The following TIGD2 variants were observed in gnomAD, a reference collection of about 807,000 sequenced individuals.
TIGD2 encodes the protein tigger transposable element-derived protein 2.
In TIGD2, 14 loss-of-function variants were observed where a neutral mutation model predicts 27.0. The observed-to-expected ratio is 0.52, with a 90% CI of 0.34 to 0.81. The LOEUF is 0.81. TIGD2 is among the 30% of genes least tolerant of loss of function. The pLI is 0.01. For synonymous variants in TIGD2, 201 were observed against 209.0 expected (o/e 0.96, Z 0.33); for missense variants, 590 against 617.3 (o/e 0.96, Z 0.47).
At position 89,113,661 on chromosome 4, in the gene TIGD2, G is replaced by T. The variant is rs369423679; in HGVS notation, c.687G>T (p.Gly229=). Residue 229 remains glycine, a synonymous_variant, in exon 2 of 2, where the codon GGG becomes GGT. Transcript: ENST00000603357. The stretch of plus-strand genomic sequence containing the variant: ...ACAAACTTAATCTTTGTGTTGTGGG[G>T]AAGGCCAAAAAGCCCCGAGCATTCA... ...GLHKLNLCVV[G]KAKKPRAFKG... The T allele has an allele frequency of 3.7e-6, 6 of 1,613,998 alleles. No individual in the cohort carries two copies. In the African/African-American group the frequency reaches 4.0e-5, roughly 11 times the overall value.
rs1721179615 is a variant in TIGD2 at position 89,114,672 on chromosome 4, A to C, written c.*120A>C. 9.3e-7 allele frequency: 1 copy of C among 1,079,792 alleles called. No homozygotes were observed. The allele number at this position is 1,079,792 out of a possible 1,614,324, so 66.9% of individuals were successfully genotyped here. A position where few individuals can be genotyped will look rare whatever the true frequency, so the allele number is the denominator to read the frequency against. On this transcript the variant is annotated 3_prime_UTR_variant, in exon 2 of 2. Transcript: ENST00000603357. The stretch of plus-strand genomic sequence containing the variant: ...ACATTTTATAAATGATTTTGGAATT[A>C]GATGTCAGTTTGGATTACTTAAATT...
In TIGD2 at chr4:89,113,308, G is replaced by A. The variant is rs778630313; in HGVS notation, c.334G>A (p.Ala112Thr). 4 of 1,614,144 alleles carry A rather than the reference G, an allele frequency of 2.5e-6. No individual in the cohort carries two copies. Among genetic ancestry groups the A allele is most frequent in the Non-Finnish European group, 2.5e-6 (3 of 1,180,012 alleles). The stretch of plus-strand genomic sequence containing the variant: ...AAAACAAGCCAAGTTCTTTTTTGAT[G>A]CTTTGGGAATGGAAGGTGATTTTAA... Reference protein sequence around the residue: ...CAKQAKFFFDALGMEGDFNAS... With the variant: ...CAKQAKFFFDTLGMEGDFNAS... The change falls in exon 2 of 2, where the codon GCT becomes ACT. Residue 112 changes from alanine to threonine, a missense_variant. Ala to Thr is a moderately conservative substitution (Grantham distance 58, BLOSUM62 0). This residue lies in a region of TIGD2 where 47 missense variants were observed against 79.7 expected (regional missense o/e 0.59). Transcript: ENST00000603357.
rs138689511 is a variant in TIGD2, at chr4:89,114,357, T to G, written c.1383T>G (p.Pro461=). The change falls in exon 2 of 2, where the codon CCT becomes CCG. Residue 461 remains proline (P), a synonymous_variant. Coordinates refer to ENST00000603357, the MANE Select transcript of TIGD2 (RefSeq NM_145715.3). ...AGACCAAGGCTGCTGAGCAAAAGCCTTCCAGTAAGAGTAGAAAAACAGAAC... is the reference window on the plus strand; with the variant it reads ...AGACCAAGGCTGCTGAGCAAAAGCCGTCCAGTAAGAGTAGAAAAACAGAAC... ...EDQTKAAEQK[P]SSKSRKTELN... The G allele has an allele frequency of 7.6e-4, 1,233 of 1,614,032 alleles. 9 individuals are homozygous for G. In the African/African-American group the frequency reaches 0.015, roughly 20 times the overall value.
At position 89,113,874 on chromosome 4, in the gene TIGD2, A is replaced by G; in HGVS notation, c.900A>G (p.Glu300=). ...LLDFPPARPN[E]EMLSSDDGRI... The stretch of plus-strand genomic sequence containing the variant: ...ATTTCCCCCCAGCACGTCCAAATGA[A>G]GAAATGTTGAGTTCAGATGATGGCA... The change falls in exon 2 of 2, where the codon GAA becomes GAG. Residue 300 remains glutamate, a synonymous_variant. Coordinates refer to ENST00000603357, the MANE Select transcript of TIGD2 (RefSeq NM_145715.3). 1 of 1,614,252 alleles carries G rather than the reference A, an allele frequency of 6.2e-7. No individual in the cohort carries two copies. The highest frequency in any genetic ancestry group is 8.5e-7 in the Non-Finnish European group (1 of 1,180,050).
In TIGD2 at chr4:89,112,795, G is replaced by A. The variant is rs1362251721; in HGVS notation, c.-180G>A. 3.6e-6 allele frequency: 2 copies of A among 559,884 alleles called. No individual in the cohort carries two copies. Among genetic ancestry groups the A allele is most frequent in the Admixed American group, 3.6e-5 (1 of 28,140 alleles). 34.7% of individuals were successfully genotyped at this position (559,884 alleles called of 1,614,324 possible). ...CGCTAGGCTTTGTTGTAGGAAGTTT[G>A]TAAGTTTTAAAATAGCAAGTAGATT... On this transcript the variant is annotated 5_prime_UTR_variant, in exon 2 of 2. Transcript: ENST00000603357.
In TIGD2 at chr4:89,114,547, CATT is replaced by C; in HGVS notation, c.1575_1577del (p.His525_Ter526delinsGln). 1 of 1,579,722 alleles carries C rather than the reference CATT, an allele frequency of 6.3e-7. No homozygotes were observed. Among genetic ancestry groups the C allele is most frequent in the Non-Finnish European group, 8.6e-7 (1 of 1,160,342 alleles). The stretch of plus-strand genomic sequence containing the variant: ...ACAGAAGATCCAAAATAACAAAAAT[CATT>C]AATAAGGCTCTTAAGTATTTCAGTG... On this transcript the variant is annotated stop_lost and inframe_deletion, in exon 2 of 2. Transcript: ENST00000603357.
At position 89,113,324 on chromosome 4, in the gene TIGD2, G is replaced by A; in HGVS notation, c.350G>A (p.Gly117Asp). ...KFFFDALGMEGDFNASSGWLT... is the reference protein window; with the variant it reads ...KFFFDALGMEDDFNASSGWLT... The stretch of plus-strand genomic sequence containing the variant: ...TTTTTTGATGCTTTGGGAATGGAAG[G>A]TGATTTTAATGCATCGTCAGGCTGG... The change falls in exon 2 of 2, where the codon GGT becomes GAT. Residue 117 changes from glycine to aspartate, a missense_variant. This residue lies in a region of TIGD2 where 47 missense variants were observed against 79.7 expected (regional missense o/e 0.59). Transcript: ENST00000603357. 1 of 1,614,198 alleles carries A rather than the reference G, an allele frequency of 6.2e-7. No homozygotes were observed. Among genetic ancestry groups the A allele is most frequent in the Non-Finnish European group, 8.5e-7 (1 of 1,180,036 alleles).
Position 89,113,127 on chromosome 4 carries a change from G to A in TIGD2, c.153G>A (p.Arg51=). 1.9e-6 allele frequency: 3 copies of A among 1,614,012 alleles called. No homozygotes were observed. In the South Asian group the frequency reaches 3.3e-5, roughly 18 times the overall value. ...GTGATATTAAAAAGAACAAAGAAAG[G>A]ATTATAAACTATGCAAACAGTTCAG... ...TVRDIKKNKE[R]IINYANSSDP... The change falls in exon 2 of 2, where the codon AGG becomes AGA. Residue 51 remains arginine, a synonymous_variant. Transcript: ENST00000603357.
chr4:89,114,628 G>T lies in TIGD2; in HGVS notation c.*76G>T. On this transcript the variant is annotated 3_prime_UTR_variant, in exon 2 of 2. Coordinates refer to ENST00000603357, the MANE Select transcript of TIGD2 (RefSeq NM_145715.3). The stretch of plus-strand genomic sequence containing the variant: ...TGAAACTTTGCTTGTTTGAAGTCCT[G>T]TGGATTCCAAAGCCAAATACATTTT... The T allele has an allele frequency of 1.4e-6, 2 of 1,427,132 alleles. No individual in the cohort carries two copies. The highest frequency in any genetic ancestry group is 1.9e-6 in the Non-Finnish European group (2 of 1,060,942). 88.4% of individuals were successfully genotyped at this position (1,427,132 alleles called of 1,614,324 possible).
At position 89,113,856 on chromosome 4, in the gene TIGD2, C is replaced by T. The variant is rs1276875075; in HGVS notation, c.882C>T (p.Pro294=). The T allele has an allele frequency of 1.2e-6, 2 of 1,614,028 alleles. No individual in the cohort carries two copies. The highest frequency in any genetic ancestry group is 1.7e-6 in the Non-Finnish European group (2 of 1,180,040). The change falls in exon 2 of 2, where the codon CCC becomes CCT. Residue 294 remains proline (P), a synonymous_variant. Coordinates refer to ENST00000603357, the MANE Select transcript of TIGD2 (RefSeq NM_145715.3). Reference sequence around the variant, plus strand: ...AAGCAGTGCTTCTTTTAGATTTCCCCCCAGCACGTCCAAATGAAGAAATGT... The same window carrying T: ...AAGCAGTGCTTCTTTTAGATTTCCCTCCAGCACGTCCAAATGAAGAAATGT... The part of the protein sequence containing the change: ...LEKAVLLLDF[P]PARPNEEMLS...
chr4:89,111,198 G>A, upstream of TIGD2: 1 of 985,528 alleles, frequency 1.0e-6, no homozygotes, highest in Non-Finnish European at 1.2e-6. Flanking sequence ...CCCGGCACGC[G>A]AGGATCCTCC....
chr4:89,113,190 G>A lies in TIGD2; in HGVS notation c.216G>A (p.Lys72=). The A allele has an allele frequency of 6.2e-7, 1 of 1,614,084 alleles. No individual in the cohort carries two copies. Among genetic ancestry groups the A allele is most frequent in the Non-Finnish European group, 8.5e-7 (1 of 1,180,014 alleles). The change falls in exon 2 of 2, where the codon AAG becomes AAA. Residue 72 remains lysine, a synonymous_variant. Coordinates refer to ENST00000603357, the MANE Select transcript of TIGD2 (RefSeq NM_145715.3). ...TSGVSKRKSM[K]SSTYEELDRV... is the part of the protein sequence containing the mutation. ...GAGTATCCAAACGTAAATCTATGAAGTCATCAACATACGAGGAGCTTGATA... is the reference window on the plus strand; with the variant it reads ...GAGTATCCAAACGTAAATCTATGAAATCATCAACATACGAGGAGCTTGATA...
chr4:89,112,818 A>T lies in TIGD2; in HGVS notation c.-157A>T. The stretch of plus-strand genomic sequence containing the variant: ...TTGTAAGTTTTAAAATAGCAAGTAG[A>T]TTCACGTAGACCTTGTCAGGAAATT... On this transcript the variant is annotated 5_prime_UTR_variant, in exon 2 of 2. Transcript: ENST00000603357. The T allele has an allele frequency of 1.7e-6, 1 of 594,076 alleles. No homozygotes were observed. The highest frequency in any genetic ancestry group is 2.8e-6 in the Non-Finnish European group (1 of 351,050). 36.8% of individuals were successfully genotyped at this position (594,076 alleles called of 1,614,324 possible).
Position 89,114,274 on chromosome 4 carries a change from T to A in TIGD2, c.1300T>A (p.Ser434Thr). 3 of 1,614,120 alleles carry A rather than the reference T, an allele frequency of 1.9e-6. No homozygotes were observed. Among genetic ancestry groups the A allele is most frequent in the Non-Finnish European group, 2.5e-6 (3 of 1,180,048 alleles). Residue 434 changes from serine (S) to threonine (T), a missense_variant, in exon 2 of 2, where the codon TCT (serine) becomes ACT (threonine). Physicochemically the swap from Ser to Thr is moderately conservative, Grantham distance 58 (BLOSUM62 1). Around this residue, in one of 3 missense-constraint regions of TIGD2, gnomAD observed 451 missense variants for 448.0 expected, o/e 1.01. Coordinates refer to ENST00000603357, the MANE Select transcript of TIGD2 (RefSeq NM_145715.3). ...TGAGAATATTGATCAGTGGTTCGAC[T>A]CTCGGAGCAGTGACTCAAGCTGTCA... ...DIENIDQWFD[S>T]RSSDSSCQVL...
Position 89,113,576 on chromosome 4 carries a change from G to C in TIGD2, c.602G>C (p.Gly201Ala). ...LTLETDQSTSGCRSSRERIII... is the reference protein window; with the variant it reads ...LTLETDQSTSACRSSRERIII... ...CTTGAAACTGACCAAAGTACTTCTG[G>C]GTGTAGGTCAAGCAGAGAGAGAATC... Residue 201 changes from glycine to alanine, a missense_variant, in exon 2 of 2, where the codon GGG (glycine) becomes GCG (alanine). Physicochemically the swap from Gly to Ala is moderately conservative, Grantham distance 60. Transcript: ENST00000603357. The C allele has an allele frequency of 1.9e-6, 3 of 1,614,082 alleles. No individual in the cohort carries two copies. Among genetic ancestry groups the C allele is most frequent in the Admixed American group, 1.7e-5 (1 of 60,020 alleles).
rs764970445 is a variant in TIGD2 at position 89,113,952 on chromosome 4, G to A, written c.978G>A (p.Met326Ile). The change falls in exon 2 of 2, where the codon ATG becomes ATA. Residue 326 changes from methionine to isoleucine, a missense_variant. Physicochemically the swap from Met to Ile is conservative, Grantham distance 10. Coordinates refer to ENST00000603357, the MANE Select transcript of TIGD2 (RefSeq NM_145715.3). The stretch of plus-strand genomic sequence containing the variant: ...ATGTCACAAGTCTGATTCAACCAAT[G>A]AGCCAGGGAGTTCTAGCCACTGTAA... ...PPNVTSLIQP[M>I]SQGVLATVKR... 1 of 1,614,006 alleles carries A rather than the reference G, an allele frequency of 6.2e-7. No individual in the cohort carries two copies. Among genetic ancestry groups the A allele is most frequent in the Non-Finnish European group, 8.5e-7 (1 of 1,179,930 alleles).
rs1197223889 is a variant in TIGD2, at chr4:89,111,697, T to C, written c.-1095T>C. ...AGGGCGATGCCCGGGGCCGGCGGAC[T>C]GGCGTTCCCTGTGCCAAGCGGCCGC... On this transcript the variant is annotated 5_prime_UTR_variant, in exon 1 of 2. Coordinates refer to ENST00000603357, the MANE Select transcript of TIGD2 (RefSeq NM_145715.3). 2 of 152,208 alleles carry C rather than the reference T, an allele frequency of 1.3e-5. No individual in the cohort carries two copies. Among genetic ancestry groups the C allele is most frequent in the African/African-American group, 4.8e-5 (2 of 41,432 alleles). The allele number at this position is 152,208 out of a possible 1,614,324, so 9.4% of individuals were successfully genotyped here. A position where few individuals can be genotyped will look rare whatever the true frequency, so the allele number is the denominator to read the frequency against.
Position 89,113,604 on chromosome 4 carries a change from CATT to C in TIGD2, c.633_635del (p.Ile211del). On this transcript the variant is annotated inframe_deletion, in exon 2 of 2. Transcript: ENST00000603357. ...GTAGGTCAAGCAGAGAGAGAATCAT[CATT>C]ATGTGTTGCGCAAATGCCACAGGTT... is the stretch of plus-strand genomic sequence containing the variant. 3 of 1,613,936 alleles carry C rather than the reference CATT, an allele frequency of 1.9e-6. No individual in the cohort carries two copies. The highest frequency in any genetic ancestry group is 2.5e-6 in the Non-Finnish European group (3 of 1,179,978).
rs777947977 is a variant in TIGD2, at chr4:89,114,169, A to G, written c.1195A>G (p.Asn399Asp). ...FPGNEENSGMNIDEGAILAAN... is the reference protein window; with the variant it reads ...FPGNEENSGMDIDEGAILAAN... ...TGGCAATGAAGAGAATTCAGGTATG[A>G]ACATTGATGAAGGAGCCATTTTAGC... The change falls in exon 2 of 2, where the codon AAC (asparagine) becomes GAC (aspartate). Residue 399 changes from asparagine (N) to aspartate (D), a missense_variant. Physicochemically the swap from Asn to Asp is conservative, Grantham distance 23. This residue lies in a region of TIGD2 where 451 missense variants were observed against 448.0 expected (regional missense o/e 1.01). Transcript: ENST00000603357. 1.9e-6 allele frequency: 3 copies of G among 1,614,222 alleles called. No individual in the cohort carries two copies. Among genetic ancestry groups the G allele is most frequent in the Middle Eastern group, 1.6e-4 (1 of 6,062 alleles).
Sources: gnomAD v4.1 joint callset for allele counts on GRCh38, gnomAD v4.1.1 for gene constraint, gnomAD v4.1.1 regional missense constraint, MANE v1.5 for transcripts, NCBI Gene and HGNC (gene_info 2026-07-23, HGNC 2026-07-21) for gene names.